The following RPS6KC1 variants were observed in gnomAD, a reference collection of about 807,000 sequenced individuals.
RPS6KC1 encodes the protein ribosomal protein S6 kinase C1.
RPS6KC1 carries 54 observed loss-of-function variants against 103.8 expected under a neutral mutation model. The ratio of observed to expected loss-of-function variants is 0.52; its 90% CI spans 0.42 to 0.65. The LOEUF (loss-of-function observed/expected upper bound fraction) is 0.65, where lower values mean the gene tolerates loss of function less well. Ranked by LOEUF, RPS6KC1 falls within the 30% of genes least tolerant of loss-of-function variation. RPS6KC1 has a pLI of 0.00. For synonymous variants in RPS6KC1, 439 were observed against 438.7 expected, an observed-to-expected ratio of 1.00 and a Z score of -0.01; for missense variants, 1,151 against 1,253.8, an observed-to-expected ratio of 0.92 and a Z score of 1.24.
chr1:213,152,224 G>A (rs574726608), intron 6 of RPS6KC1, among the ~76,000 whole-genome samples: 258 of 145,142 alleles, frequency 1.8e-3, no homozygotes, highest in African/African-American at 6.2e-3. Context: ...CTGGCCGGGC[G>A]GGGGGCTGAT....
the RPS6KC1 span, among the ~76,000 whole-genome samples, chr1:213,539,598 T>C: frequency 6.6e-6 from 1 of 152,208 alleles, no homozygotes; most frequent in Non-Finnish European, 1.5e-5. Context: ...TTGGAGCAAG[T>C]AATAATAGAC....
chr1:213,466,557 C>T, the RPS6KC1 span, among the ~76,000 whole-genome samples: 1 of 152,168 alleles, frequency 6.6e-6, no homozygotes, highest in Admixed American at 6.6e-5. Flanking sequence ...GATGAGATGA[C>T]ATTATTCATT....
chr1:213,518,203 G>A, the RPS6KC1 span, among the ~76,000 whole-genome samples: 1 of 152,092 alleles, frequency 6.6e-6, no homozygotes, highest in African/African-American at 2.4e-5. Context: ...TTTTATGATG[G>A]CCCCCTAAAA....
chr1:213,587,359 T>C, the RPS6KC1 span, among the ~76,000 whole-genome samples: 1 of 152,178 alleles, frequency 6.6e-6, no homozygotes, highest in Non-Finnish European at 1.5e-5. Flanking sequence ...CAGCTTGCTG[T>C]AGCCTCTTGT....
At chr1:213,723,008 A>T in the RPS6KC1 span, among the ~76,000 whole-genome samples, 1 of 152,106 alleles carries the variant, frequency 6.6e-6, no homozygotes. Flanking sequence ...GTGAAACCCC[A>T]TCTCTACTAA....
chr1:213,560,905 C>T, the RPS6KC1 span, among the ~76,000 whole-genome samples: 1 of 152,168 alleles, frequency 6.6e-6, no homozygotes, highest in African/African-American at 2.4e-5. Flanking sequence ...GAGATACTAG[C>T]TCATCCTTCC....
the RPS6KC1 span, among the ~76,000 whole-genome samples, chr1:213,577,906 G>A: frequency 2.0e-5 from 3 of 152,212 alleles, no homozygotes; most frequent in African/African-American, 7.2e-5. Context: ...ATTCAAGTTG[G>A]CTGCATACAT....
the RPS6KC1 span, among the ~76,000 whole-genome samples, chr1:213,728,143 G>C: frequency 6.6e-6 from 1 of 152,072 alleles, no homozygotes; most frequent in Admixed American, 6.6e-5. Context: ...CGTGATAAGC[G>C]GTGCACAGTG....
At chr1:213,631,081 G>T in the RPS6KC1 span, among the ~76,000 whole-genome samples, 1 of 152,146 alleles carries the variant, frequency 6.6e-6, no homozygotes, top group African/African-American at 2.4e-5. Flanking sequence ...TAGGGTGGGA[G>T]TGACCCGATT....
chr1:213,253,779 T>TTC (rs1309612694), intron 12 of RPS6KC1, among the ~76,000 whole-genome samples: 1 of 152,218 alleles, frequency 6.6e-6, no homozygotes, highest in Non-Finnish European at 1.5e-5. Context: ...GTACTGTTCT[T>TTC]CTTTCCTTTC....
chr1:213,602,098 T>TC, the RPS6KC1 span, among the ~76,000 whole-genome samples: 1 of 17,074 alleles, frequency 5.9e-5, no homozygotes, highest in Non-Finnish European at 1.2e-4. Context: ...CTTTCTTTCT[T>TC]TCTTTCTTTC....
chr1:213,233,770 G>A (rs1397607865), intron 10 of RPS6KC1, among the ~76,000 whole-genome samples: 1 of 151,852 alleles, frequency 6.6e-6, no homozygotes. Flanking sequence ...TACTATTTTA[G>A]ATCCTTCTTT....
chr1:213,160,054 AT>A (rs960408751), intron 6 of RPS6KC1, among the ~76,000 whole-genome samples: 3 of 152,306 alleles, frequency 2.0e-5, no homozygotes, highest in African/African-American at 7.2e-5. Context: ...CTTATAGCTT[AT>A]TATATCTTTA....
the RPS6KC1 span, among the ~76,000 whole-genome samples, chr1:213,798,688 C>T: frequency 1.2e-3 from 181 of 152,334 alleles, no homozygotes; most frequent in African/African-American, 4.2e-3. Flanking sequence ...ATCAAAATGA[C>T]TCAAATATCC....
At chr1:213,119,209 G>C (rs1430691017) in intron 5 of RPS6KC1, among the ~76,000 whole-genome samples, 9 of 151,656 alleles carry the variant, frequency 5.9e-5, no homozygotes, top group Admixed American at 2.0e-4. Context: ...ACTTTTGGGA[G>C]GCCAAGGCAG....
the RPS6KC1 span, among the ~76,000 whole-genome samples, chr1:213,781,470 GAGAAAGACAC>G: frequency 6.6e-6 from 1 of 152,184 alleles, no homozygotes; most frequent in Non-Finnish European, 1.5e-5. Context: ...TAAGACAAGG[GAGAAAGACAC>G]AGAAAAGCTT....
At chr1:213,635,630 G>C in the RPS6KC1 span, among the ~76,000 whole-genome samples, 3 of 152,088 alleles carry the variant, frequency 2.0e-5, no homozygotes, top group Non-Finnish European at 2.9e-5. Context: ...AAAATAATAA[G>C]AGCTCTTTAT....
intron 4 of RPS6KC1, among the ~76,000 whole-genome samples, chr1:213,108,307 G>A (rs73086356): frequency 0.036 from 5,503 of 152,118 alleles, 278 homozygotes; most frequent in African/African-American, 0.12. Context: ...CTTCTGGTGT[G>A]TGTATATCTA....
chr1:213,828,417 A>T, the RPS6KC1 span, among the ~76,000 whole-genome samples: 1 of 152,214 alleles, frequency 6.6e-6, no homozygotes, highest in Non-Finnish European at 1.5e-5. Context: ...AAATGAATGG[A>T]TATCTCATAT....
Sources: allele counts gnomAD v4.1 joint callset (sites outside exome capture counted in the v4.1 genomes callset), GRCh38; gene constraint gnomAD v4.1.1; transcripts MANE v1.5; gene names NCBI Gene and HGNC (gene_info 2026-07-23, HGNC 2026-07-21).